Variants in LRFN5 observed in about 807,000 individuals in gnomAD.
LRFN5 encodes leucine-rich repeat and fibronectin type-III domain-containing protein 5.
A neutral mutation model predicts 45.6 loss-of-function variants in LRFN5; 24 were observed. The ratio of observed to expected loss-of-function variants is 0.53; its 90% CI spans 0.38 to 0.74. The LOEUF (loss-of-function observed/expected upper bound fraction) is 0.74, where lower values mean the gene tolerates loss of function less well. Ranked by LOEUF, LRFN5 falls within the 30% of genes least tolerant of loss-of-function variation. The pLI, the probability that LRFN5 is intolerant of heterozygous loss-of-function variation, is 0.00. For synonymous variants in LRFN5, 340 were observed against 313.8 expected, an observed-to-expected ratio of 1.08 and a Z score of -0.88; for missense variants, 776 against 861.5, an observed-to-expected ratio of 0.90 and a Z score of 1.24.
At chr14:41,849,565 A>G (rs1889192182) in intron 2 of LRFN5, among the ~76,000 whole-genome samples, 1 of 151,878 alleles carries the variant, frequency 6.6e-6, no homozygotes. Flanking sequence ...TTGCCTTTCT[A>G]TATATTCTCC....
chr14:41,845,925 T>A lies in LRFN5; in HGVS notation c.-20-40681T>A, dbSNP rs148227144. 3.6e-3 allele frequency among the ~76,000 whole-genome samples: 544 copies of A among 152,326 alleles called. 3 individuals carry two copies. Among genetic ancestry groups the A allele is most frequent in the African/African-American group, 0.013 (522 of 41,582 alleles). On this transcript the variant is annotated intron_variant, in intron 2 of 5. Coordinates refer to ENST00000298119, the MANE Select transcript of LRFN5 (RefSeq NM_152447.5). ...CCCTGCATTCCAGAGCTAAAACTAA[T>A]AGGAAAGTTTGAATCTCAAGGGCTT...
At chr14:41,808,295 C>A (rs1594427811) in intron 2 of LRFN5, among the ~76,000 whole-genome samples, 1 of 117,112 alleles carries the variant, frequency 8.5e-6, no homozygotes, top group Non-Finnish European at 1.7e-5. Flanking sequence ...AATAGTATAC[C>A]CAATTGTGGC....
At chr14:41,838,008 A>G (rs921652429) in intron 2 of LRFN5, among the ~76,000 whole-genome samples, 3 of 152,222 alleles carry the variant, frequency 2.0e-5, no homozygotes, top group Non-Finnish European at 4.4e-5. Flanking sequence ...ATTGTGCATC[A>G]TCTAAAAAGG....
chr14:41,828,612 A>G (rs1888374228), intron 2 of LRFN5, among the ~76,000 whole-genome samples: 1 of 151,944 alleles, frequency 6.6e-6, no homozygotes, highest in Non-Finnish European at 1.5e-5. Flanking sequence ...CTTTATGGCA[A>G]CTGTCCATTT....
At chr14:41,892,460 T>C (rs1890819576) in intron 4 of LRFN5, 1 of 982,614 alleles carries the variant, frequency 1.0e-6, no homozygotes, top group Admixed American at 6.2e-5. Flanking sequence ...AAAATGAAAA[T>C]TGTTGTAGAA....
intron 2 of LRFN5, among the ~76,000 whole-genome samples, chr14:41,832,439 A>G (rs1888516795): frequency 6.6e-6 from 1 of 152,124 alleles, no homozygotes; most frequent in Admixed American, 6.5e-5. Flanking sequence ...TTCATTTTTT[A>G]ATTTAATAAA....
At chr14:41,704,440 C>CTG (rs1207281360) in intron 1 of LRFN5, among the ~76,000 whole-genome samples, 2 of 125,268 alleles carry the variant, frequency 1.6e-5, no homozygotes, top group Non-Finnish European at 3.2e-5. Context: ...CTCTCTCTCT[C>CTG]TCTCTCTCTG....
intron 1 of LRFN5, among the ~76,000 whole-genome samples, chr14:41,694,058 A>T (rs1007843824): frequency 3.3e-5 from 5 of 152,040 alleles, no homozygotes; most frequent in African/African-American, 1.2e-4. Context: ...ACCATGAAAT[A>T]TACCAATTTT....
intron 2 of LRFN5, among the ~76,000 whole-genome samples, chr14:41,801,351 A>T (rs1887325246): frequency 6.6e-6 from 1 of 152,196 alleles, no homozygotes; most frequent in Non-Finnish European, 1.5e-5. Flanking sequence ...TGTCAATTAA[A>T]ATCTTGCATA....
chr14:41,839,503 G>T (rs1198500395), intron 2 of LRFN5, among the ~76,000 whole-genome samples: 1 of 151,966 alleles, frequency 6.6e-6, no homozygotes, highest in African/African-American at 2.4e-5. Flanking sequence ...TATACTTATT[G>T]CCAGTCCTTG....
intron 2 of LRFN5, among the ~76,000 whole-genome samples, chr14:41,854,803 G>T (rs1889395476): frequency 6.6e-6 from 1 of 152,154 alleles, no homozygotes; most frequent in East Asian, 1.9e-4. Flanking sequence ...AAAGGAGATT[G>T]ATTTGTGGAG....
intron 1 of LRFN5, among the ~76,000 whole-genome samples, chr14:41,695,428 A>C (rs911902969): frequency 1.3e-5 from 2 of 151,996 alleles, no homozygotes; most frequent in African/African-American, 4.8e-5. Flanking sequence ...ACTACCTTCT[A>C]TTGGAAAAAG....
chr14:41,712,143 AGCT>A (rs1883310844), intron 1 of LRFN5, among the ~76,000 whole-genome samples: 1 of 152,214 alleles, frequency 6.6e-6, no homozygotes, highest in Non-Finnish European at 1.5e-5. Flanking sequence ...CATGAGGGAC[AGCT>A]TGAGATAATC....
intron 1 of LRFN5, among the ~76,000 whole-genome samples, chr14:41,622,212 C>A (rs1025729386): frequency 6.6e-6 from 1 of 151,164 alleles, no homozygotes; most frequent in Non-Finnish European, 1.5e-5. Flanking sequence ...AGCCAATATA[C>A]CTTTAGTGAA....
chr14:41,843,583 A>T (rs1888942799), intron 2 of LRFN5, among the ~76,000 whole-genome samples: 1 of 152,180 alleles, frequency 6.6e-6, no homozygotes, highest in African/African-American at 2.4e-5. Context: ...AATTCAAATC[A>T]GTCTTTGTGT....
At chr14:41,760,911 A>C (rs1299480856) in intron 1 of LRFN5, among the ~76,000 whole-genome samples, 1 of 152,156 alleles carries the variant, frequency 6.6e-6, no homozygotes, top group Non-Finnish European at 1.5e-5. Flanking sequence ...ATTATCCAAT[A>C]ATCAGCTAAC....
intron 2 of LRFN5, among the ~76,000 whole-genome samples, chr14:41,852,856 T>C (rs1423848908): frequency 3.9e-5 from 6 of 152,044 alleles, no homozygotes; most frequent in Non-Finnish European, 7.4e-5. Context: ...CCATGAATCT[T>C]CTGCCTGATC....
At chr14:41,869,892 G>T (rs1889962207) in intron 2 of LRFN5, among the ~76,000 whole-genome samples, 1 of 152,112 alleles carries the variant, frequency 6.6e-6, no homozygotes, top group African/African-American at 2.4e-5. Flanking sequence ...TGAGATTTGG[G>T]TGGGGACACA....
At chr14:41,875,438 A>G (rs1890154783) in intron 2 of LRFN5, among the ~76,000 whole-genome samples, 2 of 152,218 alleles carry the variant, frequency 1.3e-5, no homozygotes. Context: ...CACAGTTCCT[A>G]GTAGTATTTA....
Sources: allele counts gnomAD v4.1 joint callset (sites outside exome capture counted in the v4.1 genomes callset), GRCh38; gene constraint gnomAD v4.1.1; transcripts MANE v1.5; gene names NCBI Gene and HGNC (gene_info 2026-07-23, HGNC 2026-07-21).